Variants in EXOC6B observed in about 807,000 individuals in gnomAD.
EXOC6B encodes exocyst complex component 6B, also known as SEC15 homolog B.
Under a neutral mutation model 113.5 loss-of-function variants are expected in EXOC6B, and 54 were observed. That is an observed-to-expected ratio of 0.48 (90% CI 0.38 to 0.60). The LOEUF (loss-of-function observed/expected upper bound fraction) is 0.60. Ranked by LOEUF, EXOC6B falls within the 20% of genes least tolerant of loss-of-function variation. EXOC6B has a pLI of 0.00. For missense variants in EXOC6B, 797 were observed against 977.5 expected (o/e 0.82, Z 2.46); for synonymous variants, 357 against 339.0 (o/e 1.05, Z -0.58).
At chr2:72,735,198 T>A (rs575996614) in intron 2 of EXOC6B, among the ~76,000 whole-genome samples, 125 of 152,260 alleles carry the variant, frequency 8.2e-4, no homozygotes, top group African/African-American at 2.9e-3. Flanking sequence ...TACTCCTAAA[T>A]TCAGCAACAT....
chr2:72,445,832 A>C (rs922783779), intron 18 of EXOC6B, among the ~76,000 whole-genome samples: 1 of 152,226 alleles, frequency 6.6e-6, no homozygotes, highest in Non-Finnish European at 1.5e-5. Flanking sequence ...AAGTGAGCAA[A>C]GGACATGAAC....
chr2:72,237,357 T>G (rs1682029336), intron 20 of EXOC6B, among the ~76,000 whole-genome samples: 1 of 152,156 alleles, frequency 6.6e-6, no homozygotes, highest in South Asian at 2.1e-4. Flanking sequence ...TATTTTCTCT[T>G]AGAGAATATA....
intron 19 of EXOC6B, among the ~76,000 whole-genome samples, chr2:72,365,229 TA>T (rs1165041303): frequency 1.9e-4 from 28 of 151,254 alleles, no homozygotes; most frequent in African/African-American, 6.8e-4. Context: ...CCACAATGAA[TA>T]GATATTACTT....
intron 18 of EXOC6B, among the ~76,000 whole-genome samples, chr2:72,435,724 GT>G (rs200460115): frequency 1.4e-5 from 2 of 144,296 alleles, no homozygotes; most frequent in Admixed American, 7.0e-5. Context: ...CTTTTTTTTT[GT>G]TTTTTTTTTG....
At chr2:72,470,550 T>C (rs911495781) in intron 17 of EXOC6B, among the ~76,000 whole-genome samples, 4 of 152,114 alleles carry the variant, frequency 2.6e-5, no homozygotes, top group East Asian at 1.9e-4. Flanking sequence ...ATGTGCCATG[T>C]TGGTGTGCTG....
intron 6 of EXOC6B, among the ~76,000 whole-genome samples, chr2:72,716,888 G>T (rs969177194): frequency 3.3e-5 from 5 of 152,074 alleles, no homozygotes; most frequent in African/African-American, 1.2e-4. Context: ...TTCCATAGAG[G>T]CTTTGTACTA....
intron 20 of EXOC6B, among the ~76,000 whole-genome samples, chr2:72,253,345 G>T (rs996909259): frequency 2.0e-5 from 3 of 152,132 alleles, no homozygotes; most frequent in Non-Finnish European, 4.4e-5. Flanking sequence ...CCATTTTCAG[G>T]TATATACTCA....
chr2:72,654,032 C>T (rs1363814377), intron 6 of EXOC6B, among the ~76,000 whole-genome samples: 6 of 150,130 alleles, frequency 4.0e-5, no homozygotes, highest in East Asian at 3.9e-4. Flanking sequence ...TGCAGTGCCG[C>T]GATCTCTGCT....
At chr2:72,749,849 T>C (rs2104848210) in intron 1 of EXOC6B, among the ~76,000 whole-genome samples, 1 of 152,034 alleles carries the variant, frequency 6.6e-6, no homozygotes, top group South Asian at 2.1e-4. Context: ...ATGATCCACT[T>C]ATGCATGTAG....
At chr2:72,428,023 G>C (rs955085767) in intron 18 of EXOC6B, among the ~76,000 whole-genome samples, 1 of 152,158 alleles carries the variant, frequency 6.6e-6, no homozygotes, top group Non-Finnish European at 1.5e-5. Flanking sequence ...CCCTCTCCTA[G>C]AAGCTGAATA....
intron 6 of EXOC6B, among the ~76,000 whole-genome samples, chr2:72,621,111 A>C (rs746267347): frequency 6.6e-6 from 1 of 152,162 alleles, no homozygotes; most frequent in Non-Finnish European, 1.5e-5. Context: ...AAATAACTTA[A>C]AGTAGAGTTA....
chr2:72,179,189 G>T lies in EXOC6B; in HGVS notation c.*146C>A. 1 of 892,992 alleles carries T rather than the reference G, an allele frequency of 1.1e-6. No individual in the cohort carries two copies. The highest frequency in any genetic ancestry group is 1.6e-6 in the Non-Finnish European group (1 of 613,574). The allele number at this position is 892,992 out of a possible 1,614,324, so 55.3% of individuals were successfully genotyped here. ...TGTGCCTCTTTTACTATAGGGAAAT[G>T]TTATGTGAATACTGCACAGGGGTTA... On this transcript the variant is annotated 3_prime_UTR_variant, in exon 22 of 22. Transcript: ENST00000272427.
intron 1 of EXOC6B, among the ~76,000 whole-genome samples, chr2:72,793,241 G>C (rs554305519): frequency 6.6e-6 from 1 of 152,088 alleles, no homozygotes; most frequent in Admixed American, 6.6e-5. Flanking sequence ...CTACACAAAG[G>C]GTACATAAAG....
intron 6 of EXOC6B, among the ~76,000 whole-genome samples, chr2:72,659,852 G>T (rs1674878264): frequency 6.6e-6 from 1 of 152,006 alleles, no homozygotes; most frequent in Non-Finnish European, 1.5e-5. Flanking sequence ...ATTCTTAAAA[G>T]AATCATTTTT....
intron 1 of EXOC6B, among the ~76,000 whole-genome samples, chr2:72,787,030 T>C (rs1208769752): frequency 6.6e-6 from 1 of 151,926 alleles, no homozygotes; most frequent in Non-Finnish European, 1.5e-5. Context: ...ACAGAAGCAA[T>C]CTGATCACAA....
chr2:72,705,821 A>C (rs1678826329), intron 6 of EXOC6B, among the ~76,000 whole-genome samples: 1 of 152,198 alleles, frequency 6.6e-6, no homozygotes, highest in Non-Finnish European at 1.5e-5. Flanking sequence ...GTTTTGGGTT[A>C]TGCGCTCATT....
chr2:72,808,686 G>A (rs539427867), intron 1 of EXOC6B, among the ~76,000 whole-genome samples: 8 of 152,234 alleles, frequency 5.3e-5, no homozygotes, highest in African/African-American at 1.7e-4. Flanking sequence ...GGGAAGCTAA[G>A]GTGGGAAGAT....
Position 72,701,919 on chromosome 2 carries a change from CT to C in EXOC6B, c.669+16183del, listed in dbSNP as rs926573584. On this transcript the variant is annotated intron_variant, in intron 6 of 21. Transcript: ENST00000272427. ...CTCCCATGACAAGCCACTTGTATTTCTTTTTTTTTTTTTAATTATACTTTAA... is the reference window on the plus strand; with the variant it reads ...CTCCCATGACAAGCCACTTGTATTTCTTTTTTTTTTTTAATTATACTTTAA... 7.6e-3 allele frequency among the ~76,000 whole-genome samples: 1,081 copies of C among 141,550 alleles called. 2 individuals are homozygous for C. The highest frequency in any genetic ancestry group is 0.014 in the African/African-American group (558 of 38,844). 92.9% of individuals were successfully genotyped at this position (141,550 alleles called of 152,430 possible). A position where few individuals can be genotyped will look rare whatever the true frequency, so the allele number is the denominator to read the frequency against.
chr2:72,430,975 G>A (rs1695486063), intron 18 of EXOC6B, among the ~76,000 whole-genome samples: 2 of 152,166 alleles, frequency 1.3e-5, no homozygotes, highest in Admixed American at 6.5e-5. Flanking sequence ...AACACAGACT[G>A]AGTGCATAAC....
Sources: gnomAD v4.1 joint callset for allele counts (sites outside exome capture counted in the v4.1 genomes callset) on GRCh38, gnomAD v4.1.1 for gene constraint, MANE v1.5 for transcripts, NCBI Gene and HGNC (gene_info 2026-07-23, HGNC 2026-07-21) for gene names.